Variants in KCNH7 observed in about 807,000 individuals in gnomAD.
KCNH7 encodes the protein potassium voltage-gated channel subfamily H member 7.
Under a neutral mutation model 120.8 loss-of-function variants are expected in KCNH7, and 49 were observed. The observed-to-expected ratio is 0.41, with a 90% CI of 0.32 to 0.51. The LOEUF (loss-of-function observed/expected upper bound fraction) is 0.51, where lower values mean the gene tolerates loss of function less well. KCNH7 is among the 20% of genes least tolerant of loss of function. The pLI is 0.38. For synonymous variants in KCNH7, 547 were observed against 516.1 expected, an observed-to-expected ratio of 1.06 and a Z score of -0.81; for missense variants, 1,097 against 1,446.6, an observed-to-expected ratio of 0.76 and a Z score of 3.92.
intron 6 of KCNH7, among the ~76,000 whole-genome samples, chr2:162,481,036 T>C (rs1367427285): frequency 6.6e-6 from 1 of 152,142 alleles, no homozygotes; most frequent in African/African-American, 2.4e-5. Context: ...CTTCGTGTTT[T>C]AATGTCGACA....
intron 14 of KCNH7, among the ~76,000 whole-genome samples, chr2:162,376,556 G>A (rs1028555218): frequency 2.0e-5 from 3 of 151,946 alleles, no homozygotes; most frequent in Admixed American, 2.0e-4. Context: ...TAGAGATGGG[G>A]GTTCACCATC....
In KCNH7 at chr2:162,506,027, T is replaced by C. The variant is rs527762730; in HGVS notation, c.914-1370A>G. Among the ~76,000 whole-genome samples, 3 of 152,060 alleles carry C rather than the reference T, an allele frequency of 2.0e-5. No individual in the cohort carries two copies. The East Asian group carries it at 5.8e-4, about 30-fold the overall frequency. ...CATAAAAGTTTACACTTGTTTATTA[T>C]AAAAGTTTGAAGTAATCTTAATAAA... On this transcript the variant is annotated intron_variant, in intron 5 of 15. Coordinates refer to ENST00000332142, the MANE Select transcript of KCNH7 (RefSeq NM_033272.4).
intron 3 of KCNH7, among the ~76,000 whole-genome samples, chr2:162,522,026 T>C (rs1691547512): frequency 6.6e-6 from 1 of 151,898 alleles, no homozygotes; most frequent in African/African-American, 2.4e-5. Context: ...TCTGGATTAA[T>C]AAGACAAAGA....
chr2:162,541,889 A>C (rs1302055757), intron 2 of KCNH7, among the ~76,000 whole-genome samples: 1 of 152,108 alleles, frequency 6.6e-6, no homozygotes, highest in Non-Finnish European at 1.5e-5. Flanking sequence ...GTTGCAGGCT[A>C]AGAGAAGAGG....
At chr2:162,567,713 A>G (rs1254333885) in intron 2 of KCNH7, among the ~76,000 whole-genome samples, 1 of 152,076 alleles carries the variant, frequency 6.6e-6, no homozygotes, top group African/African-American at 2.4e-5. Flanking sequence ...TGCTCAATAA[A>G]TAATTTTCAA....
chr2:162,670,555 A>G (rs1685314543), intron 2 of KCNH7, among the ~76,000 whole-genome samples: 1 of 151,902 alleles, frequency 6.6e-6, no homozygotes, highest in Non-Finnish European at 1.5e-5. Flanking sequence ...CTAGAAAATA[A>G]TAGGATATAA....
intron 2 of KCNH7, among the ~76,000 whole-genome samples, chr2:162,776,486 A>G (rs1432134089): frequency 1.3e-5 from 2 of 152,152 alleles, no homozygotes; most frequent in Admixed American, 6.5e-5. Context: ...AGAGACAGAC[A>G]AAAAGAGAGG....
chr2:162,675,449 A>G (rs1685502401), intron 2 of KCNH7, among the ~76,000 whole-genome samples: 1 of 151,600 alleles, frequency 6.6e-6, no homozygotes, highest in South Asian at 2.1e-4. Flanking sequence ...TGTTTGGAAC[A>G]GCAAAAAGAA....
intron 6 of KCNH7, among the ~76,000 whole-genome samples, chr2:162,502,634 T>C (rs1690722887): frequency 6.6e-6 from 1 of 152,124 alleles, no homozygotes. Flanking sequence ...TTTTCTTCCC[T>C]GCAAATTCTT....
At chr2:162,753,797 C>T (rs1688693852) in intron 2 of KCNH7, among the ~76,000 whole-genome samples, 1 of 152,004 alleles carries the variant, frequency 6.6e-6, no homozygotes, top group South Asian at 2.1e-4. Flanking sequence ...AGAATCATTT[C>T]CCTTTCCTGT....
chr2:162,799,855 T>A (rs1039556598), intron 2 of KCNH7, among the ~76,000 whole-genome samples: 1 of 151,820 alleles, frequency 6.6e-6, no homozygotes, highest in African/African-American at 2.4e-5. Flanking sequence ...ATTATACACT[T>A]GTCTTTTCTG....
At chr2:162,377,799 C>T (rs985567057) in intron 14 of KCNH7, among the ~76,000 whole-genome samples, 1 of 152,152 alleles carries the variant, frequency 6.6e-6, no homozygotes, top group African/African-American at 2.4e-5. Flanking sequence ...TCAGGAAACA[C>T]ATACCGATAT....
intron 2 of KCNH7, among the ~76,000 whole-genome samples, chr2:162,693,451 A>T (rs184219483): frequency 3.9e-5 from 6 of 152,234 alleles, no homozygotes; most frequent in Non-Finnish European, 8.8e-5. Context: ...CTCTAATCAC[A>T]TATCAGAAAA....
intron 2 of KCNH7, among the ~76,000 whole-genome samples, chr2:162,765,133 C>T (rs1682738296): frequency 6.6e-6 from 1 of 152,044 alleles, no homozygotes; most frequent in Non-Finnish European, 1.5e-5. Context: ...CTAACACCAA[C>T]ATTCAACATA....
intron 6 of KCNH7, among the ~76,000 whole-genome samples, chr2:162,480,208 C>T (rs1458103940): frequency 6.6e-6 from 1 of 151,898 alleles, no homozygotes; most frequent in Non-Finnish European, 1.5e-5. Flanking sequence ...GCGGTGTATG[C>T]ATTTTTTTGT....
At chr2:162,398,591 G>C (rs187570031) in intron 10 of KCNH7, among the ~76,000 whole-genome samples, 43 of 151,962 alleles carry the variant, frequency 2.8e-4, no homozygotes, top group African/African-American at 1.0e-3. Flanking sequence ...ATTAAATTAA[G>C]CATGGGCTTT....
chr2:162,681,483 C>T (rs1388373653), intron 2 of KCNH7, among the ~76,000 whole-genome samples: 1 of 151,666 alleles, frequency 6.6e-6, no homozygotes, highest in Admixed American at 6.6e-5. Context: ...GCACTGTTCT[C>T]TATGTATATT....
At chr2:162,591,597 A>G (rs1694219274) in intron 2 of KCNH7, among the ~76,000 whole-genome samples, 1 of 152,086 alleles carries the variant, frequency 6.6e-6, no homozygotes, top group South Asian at 2.1e-4. Context: ...GTAAGTAGCT[A>G]AATGAGTAAC....
intron 2 of KCNH7, among the ~76,000 whole-genome samples, chr2:162,713,088 C>T (rs534038542): frequency 6.6e-6 from 1 of 152,272 alleles, no homozygotes; most frequent in Admixed American, 6.5e-5. Flanking sequence ...CCACACCCAG[C>T]TAATTTTTGC....
Sources: allele counts gnomAD v4.1 joint callset (sites outside exome capture counted in the v4.1 genomes callset), GRCh38; gene constraint gnomAD v4.1.1; transcripts MANE v1.5; gene names NCBI Gene and HGNC (gene_info 2026-07-23, HGNC 2026-07-21).